SORCS2: variants seen among roughly 807,000 people sequenced by gnomAD.
The protein encoded by SORCS2 is sortilin related VPS10 domain containing receptor 2, also known as VPS10 domain-containing receptor SorCS2.
SORCS2 carries 100 observed loss-of-function variants against 141.6 expected under a neutral mutation model. That is an observed-to-expected ratio of 0.71 (90% CI 0.60 to 0.83). The LOEUF (loss-of-function observed/expected upper bound fraction) is 0.83, where lower values mean the gene tolerates loss of function less well. Among genes scored for constraint, SORCS2 ranks in the 40% least tolerant of loss-of-function variants. The pLI, the probability that SORCS2 is intolerant of heterozygous loss-of-function variation, is 0.00. For missense variants in SORCS2, 1,646 were observed against 1,560.2 expected (o/e 1.05, Z -0.93); for synonymous variants, 789 against 676.9 (o/e 1.17, Z -2.57).
chr4:7,249,714 C>T (rs553062290), intron 1 of SORCS2, among the ~76,000 whole-genome samples: 4 of 152,264 alleles, frequency 2.6e-5, no homozygotes, highest in East Asian at 1.9e-4. Flanking sequence ...CTCAAGCCCT[C>T]GCACAAAGCA....
chr4:7,274,178 C>G (rs1715322357), intron 1 of SORCS2, among the ~76,000 whole-genome samples: 1 of 152,208 alleles, frequency 6.6e-6, no homozygotes, highest in South Asian at 2.1e-4. Flanking sequence ...TCCGGCTGGA[C>G]AGACGTTAGA....
intron 3 of SORCS2, among the ~76,000 whole-genome samples, chr4:7,534,702 G>A (rs951060436): frequency 3.9e-5 from 6 of 152,204 alleles, no homozygotes; most frequent in African/African-American, 9.6e-5. Context: ...CACAAGCCAA[G>A]GAAAGCAGGC....
chr4:7,430,891 G>A (rs1251672935), intron 2 of SORCS2: 2 of 152,254 alleles, frequency 1.3e-5, no homozygotes, highest in African/African-American at 2.4e-5. Context: ...GTGCTGAATG[G>A]TGGTGCTGCC....
At chr4:7,571,593 G>A (rs1441113445) in intron 3 of SORCS2, among the ~76,000 whole-genome samples, 1 of 152,082 alleles carries the variant, frequency 6.6e-6, no homozygotes, top group South Asian at 2.1e-4. Context: ...TGGAGGAGGT[G>A]ACAGTGGGCA....
In SORCS2 at chr4:7,664,322, G is replaced by C. The variant is rs1722363069; in HGVS notation, c.953-31G>C. On this transcript the variant is annotated intron_variant, in intron 6 of 26. Transcript: ENST00000507866. The surrounding 1 kb of genome is among the most constrained non-coding windows in gnomAD (Gnocchi z 4.7). Reference sequence around the variant, plus strand: ...CCGTCTCTGGCTCCGGCTGGAGTCTGACCGCCTGGGTCGGCGCCTCTCTCC... The same window carrying C: ...CCGTCTCTGGCTCCGGCTGGAGTCTCACCGCCTGGGTCGGCGCCTCTCTCC... 1.3e-6 allele frequency: 2 copies of C among 1,589,846 alleles called. No homozygotes were observed. Among genetic ancestry groups the C allele is most frequent in the African/African-American group, 2.7e-5 (2 of 74,366 alleles).
intron 1 of SORCS2, among the ~76,000 whole-genome samples, chr4:7,386,670 C>G (rs1275410034): frequency 4.0e-5 from 6 of 151,568 alleles, no homozygotes; most frequent in African/African-American, 9.7e-5. Flanking sequence ...TGCACACACA[C>G]ATAGGTACAT....
In SORCS2 at chr4:7,242,747, C is replaced by T. The variant is rs532628538; in HGVS notation, c.480+49621C>T. On this transcript the variant is annotated intron_variant, in intron 1 of 26. Coordinates refer to ENST00000507866, the MANE Select transcript of SORCS2 (RefSeq NM_020777.3). Reference sequence around the variant, plus strand: ...AGTGGCTTTCCCCTGGTCCAGACTCCGTGGCCATTACTTCCCCCAGGATTT... The same window carrying T: ...AGTGGCTTTCCCCTGGTCCAGACTCTGTGGCCATTACTTCCCCCAGGATTT... Among the ~76,000 whole-genome samples the T allele has an allele frequency of 3.3e-5, 5 of 152,312 alleles. No homozygotes were observed. The East Asian group carries it at 5.8e-4, about 18-fold the overall frequency.
chr4:7,321,134 C>G (rs1257353932), intron 1 of SORCS2, among the ~76,000 whole-genome samples: 1 of 152,080 alleles, frequency 6.6e-6, no homozygotes, highest in Non-Finnish European at 1.5e-5. Context: ...CCATGATACT[C>G]CTGTGCGTGC....
chr4:7,358,834 A>G (rs114800125), intron 1 of SORCS2, among the ~76,000 whole-genome samples: 124 of 152,226 alleles, frequency 8.1e-4, no homozygotes, highest in African/African-American at 2.9e-3. Flanking sequence ...CTATGTTTTT[A>G]TTTTTTATCT....
intron 1 of SORCS2, among the ~76,000 whole-genome samples, chr4:7,261,202 C>T (rs1714294986): frequency 6.6e-6 from 1 of 152,202 alleles, no homozygotes; most frequent in Non-Finnish European, 1.5e-5. Context: ...TGTCGTCTAA[C>T]ATTACATTTT....
chr4:7,403,996 TA>T (rs1341947148), intron 2 of SORCS2, among the ~76,000 whole-genome samples: 135 of 6,296 alleles, frequency 0.021, no homozygotes, highest in Non-Finnish European at 0.031. Context: ...TATATATATA[TA>T]TTTTTTTTTT....
Position 7,443,400 on chromosome 4 carries a change from C to G in SORCS2, c.548+47045C>G, listed in dbSNP as rs559754662. ...GGACTCACCAGTCTCTGGCTGCTGC[C>G]TCTAAAGCCCTTCTGAGCGCACAGC... On this transcript the variant is annotated intron_variant, in intron 2 of 26. Transcript: ENST00000507866. 5.9e-5 allele frequency among the ~76,000 whole-genome samples: 9 copies of G among 152,288 alleles called. No individual in the cohort carries two copies. The East Asian group carries it at 1.4e-3, about 23-fold the overall frequency.
intron 2 of SORCS2, among the ~76,000 whole-genome samples, chr4:7,467,007 T>C (rs111728364): frequency 0.014 from 2,150 of 152,248 alleles, 51 homozygotes; most frequent in African/African-American, 0.049. Context: ...CTCTTTGGCT[T>C]GGAGCACACA....
chr4:7,689,486 C>A lies in SORCS2; in HGVS notation c.1489C>A (p.Pro497Thr), dbSNP rs1724078711. 6.3e-7 allele frequency: 1 copy of A among 1,592,628 alleles called. No individual in the cohort carries two copies. Residue 497 changes from proline (P) to threonine (T), a missense_variant and splice_region_variant, in exon 11 of 27, where the codon CCA becomes ACA. Physicochemically the swap from Pro to Thr is conservative, Grantham distance 38. Coordinates refer to ENST00000507866, the MANE Select transcript of SORCS2 (RefSeq NM_020777.3). ...GTTGCGTCCTTTCTCTTCCTTGCAG[C>A]CAGACTGCCACCTGCACCTGCACCT... Reference protein sequence around the residue: ...MNGKPTNCKPPDCHLHLHLRW... With the variant: ...MNGKPTNCKPTDCHLHLHLRW...
chr4:7,335,974 G>T (rs926008296), intron 1 of SORCS2, among the ~76,000 whole-genome samples: 4 of 152,234 alleles, frequency 2.6e-5, no homozygotes, highest in Non-Finnish European at 5.9e-5. Context: ...CCTGGCCGGG[G>T]CTTGGCATGC....
At position 7,714,296 on chromosome 4, in the gene SORCS2, C is replaced by T. The variant is rs1366597388; in HGVS notation, c.2046C>T (p.Ser682=). 3 of 1,606,358 alleles carry T rather than the reference C, an allele frequency of 1.9e-6. No individual in the cohort carries two copies. In the South Asian group the frequency reaches 3.4e-5, roughly 18 times the overall value. The change falls in exon 16 of 27, where the codon TCC becomes TCT. Residue 682 remains serine (S), a synonymous_variant. Coordinates refer to ENST00000507866, the MANE Select transcript of SORCS2 (RefSeq NM_020777.3). ...QRSFRKRKST[S]WCIKGRSFTS... ...GTTTCCGGAAAAGAAAGTCCACGTC[C>T]TGGTGCATCAAGGGGAGGAGCTTCA...
chr4:7,739,303 T>G (rs1054904760), intron 26 of SORCS2, among the ~76,000 whole-genome samples: 8 of 152,170 alleles, frequency 5.3e-5, no homozygotes, highest in South Asian at 2.1e-4. Flanking sequence ...GAGGTGGTTT[T>G]GGGGCTCCCT....
At chr4:7,711,631 G>A (rs1725830961) in intron 14 of SORCS2, among the ~76,000 whole-genome samples, 1 of 152,242 alleles carries the variant, frequency 6.6e-6, no homozygotes, top group Admixed American at 6.5e-5. Flanking sequence ...CTCCCAGAGA[G>A]GGAGAAAGCG....
At chr4:7,508,055 G>A (rs527363091) in intron 2 of SORCS2, among the ~76,000 whole-genome samples, 23 of 152,258 alleles carry the variant, frequency 1.5e-4, no homozygotes, top group Middle Eastern at 3.4e-3. Flanking sequence ...GCAGGTGTCT[G>A]TCCGTGTCGC....
Sources: gnomAD v4.1 joint callset for allele counts (sites outside exome capture counted in the v4.1 genomes callset) on GRCh38, gnomAD v4.1.1 for gene constraint, Gnocchi (gnomAD v3.1) non-coding constraint, MANE v1.5 for transcripts, NCBI Gene and HGNC (gene_info 2026-07-23, HGNC 2026-07-21) for gene names.